TENM3: variants seen among roughly 807,000 people sequenced by gnomAD.
The protein encoded by TENM3 is teneurin transmembrane protein 3.
In TENM3, 63 loss-of-function variants were observed where a neutral mutation model predicts 255.1. That is an observed-to-expected ratio of 0.25 (90% CI 0.20 to 0.30). The LOEUF (loss-of-function observed/expected upper bound fraction) is 0.30. Among genes scored for constraint, TENM3 ranks in the 10% least tolerant of loss-of-function variants. TENM3 has a pLI of 1.00. For missense variants in TENM3, 2,929 were observed against 3,461.1 expected, an observed-to-expected ratio of 0.85 and a Z score of 3.86; for synonymous variants, 1,306 against 1,322.3, an observed-to-expected ratio of 0.99 and a Z score of 0.27.
At chr4:181,754,151 T>C in the TENM3 span, among the ~76,000 whole-genome samples, 1 of 152,146 alleles carries the variant, frequency 6.6e-6, no homozygotes, top group Admixed American at 6.6e-5. Flanking sequence ...GCAATCACAT[T>C]AGTATATTTG....
At chr4:182,661,045 A>G (rs13435844) in intron 6 of TENM3, among the ~76,000 whole-genome samples, 26,873 of 152,174 alleles carry the variant, frequency 0.18, 2,486 homozygotes, top group African/African-American at 0.19. Flanking sequence ...ATTACAGGCA[A>G]TGTAACTATG....
chr4:181,449,904 T>C, the TENM3 span, among the ~76,000 whole-genome samples: 1 of 152,222 alleles, frequency 6.6e-6, no homozygotes, highest in African/African-American at 2.4e-5. Context: ...CAGCATTCAT[T>C]AAGTTCTGCA....
intron 1 of TENM3, among the ~76,000 whole-genome samples, chr4:182,157,888 A>G (rs1046183329): frequency 1.8e-4 from 27 of 152,242 alleles, no homozygotes; most frequent in African/African-American, 6.3e-4. Context: ...GAATTTGGCC[A>G]GATTATTTGC....
the TENM3 span, among the ~76,000 whole-genome samples, chr4:181,695,917 A>T: frequency 4.1e-3 from 628 of 151,812 alleles, 6 homozygotes; most frequent in African/African-American, 0.015. Context: ...TGCTTTCTAG[A>T]GGAAAGACTT....
At chr4:181,655,652 C>G in the TENM3 span, among the ~76,000 whole-genome samples, 1 of 152,142 alleles carries the variant, frequency 6.6e-6, no homozygotes, top group Non-Finnish European at 1.5e-5. Flanking sequence ...GTGACAGTCC[C>G]TGAGGACTTC....
intron 3 of TENM3, among the ~76,000 whole-genome samples, chr4:182,542,164 A>G (rs80189601): frequency 6.6e-6 from 1 of 152,290 alleles, no homozygotes; most frequent in East Asian, 1.9e-4. Context: ...CAAGTATTTT[A>G]TAGCAAAGTC....
At chr4:182,120,460 GTGTATATACACACGTGTGTGTATATACA>G in the TENM3 span, among the ~76,000 whole-genome samples, 1 of 152,084 alleles carries the variant, frequency 6.6e-6, no homozygotes, top group Non-Finnish European at 1.5e-5. Context: ...TATGTGTGTT[GTGTATATACACACGTGTGTGTATATACA>G]CATGTATTTG....
intron 13 of TENM3, among the ~76,000 whole-genome samples, chr4:182,719,978 C>T (rs1192488541): frequency 6.6e-6 from 1 of 151,966 alleles, no homozygotes; most frequent in Admixed American, 6.6e-5. Flanking sequence ...GGAGGATCAC[C>T]TGAGCCTGGG....
At chr4:182,481,807 A>AATCC (rs982678502) in intron 3 of TENM3, among the ~76,000 whole-genome samples, 1 of 152,260 alleles carries the variant, frequency 6.6e-6, no homozygotes, top group African/African-American at 2.4e-5. Context: ...AAAATCAATC[A>AATCC]CTCACTCAAT....
the TENM3 span, among the ~76,000 whole-genome samples, chr4:181,533,680 T>C: frequency 6.6e-6 from 1 of 152,036 alleles, no homozygotes; most frequent in Admixed American, 6.6e-5. Flanking sequence ...CCAAAATACA[T>C]TTTTAAACTA....
chr4:182,010,431 A>G, the TENM3 span, among the ~76,000 whole-genome samples: 3 of 151,608 alleles, frequency 2.0e-5, no homozygotes, highest in Non-Finnish European at 4.4e-5. Flanking sequence ...TTTTATTTTC[A>G]TATATATTAC....
chr4:182,321,244 A>AAGGACAGG (rs2150483624), intron 1 of TENM3, among the ~76,000 whole-genome samples: 1 of 152,314 alleles, frequency 6.6e-6, no homozygotes, highest in African/African-American at 2.4e-5. Flanking sequence ...TATGCCCCAT[A>AAGGACAGG]AGGACAGGAA....
chr4:181,454,333 C>T, the TENM3 span, among the ~76,000 whole-genome samples: 787 of 152,242 alleles, frequency 5.2e-3, 8 homozygotes, highest in Middle Eastern at 0.027. Flanking sequence ...TTTCAGTCAA[C>T]AGTGGACTGC....
At chr4:182,581,625 T>C (rs1745505918) in intron 3 of TENM3, among the ~76,000 whole-genome samples, 1 of 151,948 alleles carries the variant, frequency 6.6e-6, no homozygotes. Flanking sequence ...TAATCCCAGC[T>C]ATTCAGGAGG....
chr4:182,494,492 A>G (rs937870648), intron 3 of TENM3, among the ~76,000 whole-genome samples: 2 of 152,170 alleles, frequency 1.3e-5, no homozygotes, highest in African/African-American at 4.8e-5. Context: ...GTATTTAAGG[A>G]CAAAGCAAGT....
intron 1 of TENM3, among the ~76,000 whole-genome samples, chr4:182,158,146 C>A (rs1027030744): frequency 6.6e-6 from 1 of 152,138 alleles, no homozygotes; most frequent in African/African-American, 2.4e-5. Context: ...AAAGGAGGTG[C>A]CACGTCGCGC....
At chr4:182,528,759 G>A (rs535178801) in intron 3 of TENM3, among the ~76,000 whole-genome samples, 4 of 152,302 alleles carry the variant, frequency 2.6e-5, no homozygotes, top group South Asian at 2.1e-4. Flanking sequence ...GCCTTGAGCC[G>A]CACATAAGAG....
At chr4:181,761,777 C>A in the TENM3 span, among the ~76,000 whole-genome samples, 1 of 152,114 alleles carries the variant, frequency 6.6e-6, no homozygotes, top group African/African-American at 2.4e-5. Context: ...AGACTTAGGG[C>A]AAGATGAGAG....
At chr4:181,515,610 G>A in the TENM3 span, among the ~76,000 whole-genome samples, 4 of 151,990 alleles carry the variant, frequency 2.6e-5, no homozygotes, top group Non-Finnish European at 4.4e-5. Flanking sequence ...TTGAGAGTTC[G>A]AATTGTGTCT....
Sources: gnomAD v4.1 joint callset for allele counts (sites outside exome capture counted in the v4.1 genomes callset) on GRCh38, gnomAD v4.1.1 for gene constraint, MANE v1.5 for transcripts, NCBI Gene and HGNC (gene_info 2026-07-23, HGNC 2026-07-21) for gene names.